Variants in COL27A1 observed in about 807,000 individuals in gnomAD.
COL27A1 encodes collagen type XXVII alpha 1 chain.
In COL27A1, 106 loss-of-function variants were observed where a neutral mutation model predicts 251.3. That is an observed-to-expected ratio of 0.42 (90% CI 0.36 to 0.50). The LOEUF (loss-of-function observed/expected upper bound fraction) is 0.50, where lower values mean the gene tolerates loss of function less well. Among genes scored for constraint, COL27A1 ranks in the 20% least tolerant of loss-of-function variants. The probability of loss-of-function intolerance (pLI) is 0.00; values close to 1 mark genes in which losing one functional copy is unlikely to be tolerated. For synonymous variants in COL27A1, 1,000 were observed against 986.3 expected (o/e 1.01, Z -0.26); for missense variants, 2,325 against 2,522.8 (o/e 0.92, Z 1.68).
intron 5 of COL27A1, among the ~76,000 whole-genome samples, chr9:114,189,860 C>T (rs1828626562): frequency 6.6e-6 from 1 of 152,164 alleles, no homozygotes; most frequent in Admixed American, 6.5e-5. Flanking sequence ...TAACCATCCC[C>T]TTACTGAATC....
chr9:114,275,793 G>C (rs75872824), intron 37 of COL27A1, 25 bp downstream of exon 37: 2 of 1,469,032 alleles, frequency 1.4e-6, no homozygotes, highest in Non-Finnish European at 1.8e-6. Flanking sequence ...CCCTTGCAGC[G>C]CCTGGAGCTC....
chr9:114,275,925 T>C lies in COL27A1; in HGVS notation c.3717+157T>C, dbSNP rs562848644. Among the ~76,000 whole-genome samples the C allele has an allele frequency of 2.0e-5, 3 of 152,354 alleles. No individual in the cohort carries two copies. In the East Asian group the frequency reaches 5.8e-4, roughly 29 times the overall value. The stretch of plus-strand genomic sequence containing the variant: ...CTGGCAGTTTGCCAGAGAACCAATC[T>C]GCTCAATGCTCCATGGCTCTGGAGA... On this transcript the variant is annotated intron_variant, in intron 37 of 60. Transcript: ENST00000356083.
Position 114,264,307 on chromosome 9 carries a change from A to T in COL27A1, c.3196-48A>T, listed in dbSNP as rs1223165645. 5 of 1,475,484 alleles carry T rather than the reference A, an allele frequency of 3.4e-6. No individual in the cohort carries two copies. In the Admixed American group the frequency reaches 1.1e-4, roughly 32 times the overall value. The allele number at this position is 1,475,484 out of a possible 1,614,324, so 91.4% of individuals were successfully genotyped here. On this transcript the variant is annotated intron_variant, in intron 28 of 60. Coordinates refer to ENST00000356083, the MANE Select transcript of COL27A1 (RefSeq NM_032888.4). ...CCCCGCCCTCCTGGTTCTCCGCCCG[A>T]GGGAGACCCCTGCTGTCCGGTGTGC...
At position 114,306,502 on chromosome 9, in the gene COL27A1, AC is replaced by A; in HGVS notation, c.4939-15del. 6.2e-7 allele frequency: 1 copy of A among 1,613,152 alleles called. No individual in the cohort carries two copies. The highest frequency in any genetic ancestry group is 1.7e-5 in the Admixed American group (1 of 59,926). On this transcript the variant is annotated splice_polypyrimidine_tract_variant and intron_variant, in intron 57 of 60. Transcript: ENST00000356083. ...CCAGGACCCTAAGGTCCCAATGACCACCCTCTCCTCGTGACAGAGTTACAGC... is the reference window on the plus strand; with the variant it reads ...CCAGGACCCTAAGGTCCCAATGACCACCTCTCCTCGTGACAGAGTTACAGC...
intron 27 of COL27A1, among the ~76,000 whole-genome samples, chr9:114,254,560 C>T (rs1381918995): frequency 6.6e-6 from 1 of 152,058 alleles, no homozygotes; most frequent in Non-Finnish European, 1.5e-5. Context: ...GAGGGACCAG[C>T]CCAGGCACAG....
intron 14 of COL27A1, 64 bp downstream of exon 14, chr9:114,222,331 G>T (rs1163867757): frequency 1.3e-6 from 2 of 1,485,330 alleles, no homozygotes; most frequent in Non-Finnish European, 1.9e-6. Flanking sequence ...GAGCCAGCGT[G>T]TGGGGAGCCA....
At chr9:114,270,607 G>C in intron 35 of COL27A1, 121 bp from the exon 36 acceptor site, 2 of 711,822 alleles carry the variant, frequency 2.8e-6, no homozygotes, top group South Asian at 3.7e-5. Flanking sequence ...GGCCCCCAGG[G>C]TCCCACTGCC....
chr9:114,219,700 C>T (rs1311424089), intron 12 of COL27A1, 91 bp from the exon 13 acceptor site: 25 of 891,296 alleles, frequency 2.8e-5, no homozygotes, highest in Non-Finnish European at 4.5e-5. Flanking sequence ...TGGACATTGT[C>T]CTTGTGTCCC....
intron 2 of COL27A1, among the ~76,000 whole-genome samples, chr9:114,166,432 C>T (rs60572642): frequency 7.1e-6 from 1 of 141,390 alleles, no homozygotes; most frequent in African/African-American, 2.7e-5. Context: ...TTCATCCATC[C>T]ATCCATTCAT....
At chr9:114,240,783 C>T (rs901315821) in intron 21 of COL27A1, among the ~76,000 whole-genome samples, 6 of 152,180 alleles carry the variant, frequency 3.9e-5, no homozygotes, top group Admixed American at 6.5e-5. Context: ...ATGCCGTGCT[C>T]GTGGTAGCAG....
At chr9:114,178,392 C>T (rs1158584637) in intron 4 of COL27A1, 48 bp downstream of exon 4, 1 of 1,518,570 alleles carries the variant, frequency 6.6e-7, no homozygotes, top group African/African-American at 1.4e-5. Context: ...GCTCTTTGGC[C>T]TGCGTCTCAC....
chr9:114,291,267 G>A (rs900394480), intron 48 of COL27A1, among the ~76,000 whole-genome samples: 1 of 152,212 alleles, frequency 6.6e-6, no homozygotes, highest in Non-Finnish European at 1.5e-5. Flanking sequence ...CGCGTGGGAG[G>A]AGGGGGCCCC....
intron 44 of COL27A1, 110 bp downstream of exon 44, chr9:114,289,077 G>A (rs1414282127): frequency 7.0e-7 from 1 of 1,429,648 alleles, no homozygotes; most frequent in African/African-American, 1.4e-5. Flanking sequence ...CCTGCAGGAG[G>A]GTCTGGGGCA....
At chr9:114,164,565 T>TA (rs1022589987) in intron 2 of COL27A1, among the ~76,000 whole-genome samples, 6 of 152,210 alleles carry the variant, frequency 3.9e-5, no homozygotes, top group African/African-American at 1.4e-4. Flanking sequence ...AGGTTAGCCC[T>TA]AAATTCCATG....
At chr9:114,159,108 T>A (rs1026798860) in intron 1 of COL27A1, among the ~76,000 whole-genome samples, 1 of 152,208 alleles carries the variant, frequency 6.6e-6, no homozygotes, top group Admixed American at 6.5e-5. Context: ...CAGCTGCATT[T>A]GTCAGGGAGA....
At chr9:114,230,648 G>T (rs902057461) in intron 14 of COL27A1, among the ~76,000 whole-genome samples, 1 of 152,174 alleles carries the variant, frequency 6.6e-6, no homozygotes, top group African/African-American at 2.4e-5. Flanking sequence ...CTGGGAAGCA[G>T]GAGGTGCCTC....
chr9:114,234,789 G>A (rs1250143016), intron 16 of COL27A1, among the ~76,000 whole-genome samples: 2 of 151,988 alleles, frequency 1.3e-5, no homozygotes, highest in Admixed American at 6.5e-5. Flanking sequence ...TTAATTAGAA[G>A]TAGACCGGCC....
intron 37 of COL27A1, among the ~76,000 whole-genome samples, chr9:114,280,759 C>T (rs568478065): frequency 2.6e-5 from 4 of 152,284 alleles, no homozygotes; most frequent in East Asian, 1.9e-4. Flanking sequence ...TTCTGAGGAC[C>T]GCAGGGTGGT....
At chr9:114,180,835 C>CG (rs571939233) in intron 4 of COL27A1, among the ~76,000 whole-genome samples, 18 of 151,986 alleles carry the variant, frequency 1.2e-4, no homozygotes, top group East Asian at 5.8e-4. Flanking sequence ...GGGTTGGGGA[C>CG]GGGGGGGCAG....
Sources: gnomAD v4.1 joint callset for allele counts (sites outside exome capture counted in the v4.1 genomes callset) on GRCh38, gnomAD v4.1.1 for gene constraint, MANE v1.5 for transcripts, NCBI Gene and HGNC (gene_info 2026-07-23, HGNC 2026-07-21) for gene names.